LTBP4: variants seen among roughly 807,000 people sequenced by gnomAD.
LTBP4 encodes latent-transforming growth factor beta-binding protein 4.
Under a neutral mutation model 180.2 loss-of-function variants are expected in LTBP4, and 93 were observed. The ratio of observed to expected loss-of-function variants is 0.52; its 90% CI spans 0.44 to 0.61. The LOEUF (loss-of-function observed/expected upper bound fraction) is 0.61. Among genes scored for constraint, LTBP4 ranks in the 20% least tolerant of loss-of-function variants. The pLI is 0.00. For missense variants in LTBP4, 2,116 were observed against 2,256.5 expected, an observed-to-expected ratio of 0.94 and a Z score of 1.26; for synonymous variants, 947 against 934.5, an observed-to-expected ratio of 1.01 and a Z score of -0.24.
At chr19:40,625,051 CTG>C (rs1376499763) in intron 26 of LTBP4, among the ~76,000 whole-genome samples, 1 of 150,588 alleles carries the variant, frequency 6.6e-6, no homozygotes, top group Non-Finnish European at 1.5e-5. Flanking sequence ...TGCTGAAGCT[CTG>C]TCTCTTGAAC....
At chr19:40,614,958 C>T (rs1013652763) in intron 19 of LTBP4, among the ~76,000 whole-genome samples, 1 of 152,212 alleles carries the variant, frequency 6.6e-6, no homozygotes, top group African/African-American at 2.4e-5. Flanking sequence ...CGTTTAAGCT[C>T]TGCCCTTCCT....
chr19:40,608,289 C>G lies in LTBP4; in HGVS notation c.1226C>G (p.Thr409Ser). The G allele has an allele frequency of 6.2e-7, 1 of 1,613,916 alleles. No individual in the cohort carries two copies. Among genetic ancestry groups the G allele is most frequent in the Non-Finnish European group, 8.5e-7 (1 of 1,179,874 alleles). ...HYSASDLRYN[T>S]RPLGQEPPRV... ...TCGGCCTCCGACCTCCGCTACAACA[C>G]CAGACCCCTGGGCCAGGAGCCACCC... is the stretch of plus-strand genomic sequence containing the variant. Residue 409 changes from threonine to serine, a missense_variant, in exon 8 of 30, where the codon ACC (threonine) becomes AGC (serine). Physicochemically the swap from Thr to Ser is moderately conservative, Grantham distance 58 (BLOSUM62 1). Transcript: ENST00000396819.
intron 1 of LTBP4, among the ~76,000 whole-genome samples, chr19:40,594,113 G>A (rs2081379491): frequency 1.3e-5 from 2 of 152,026 alleles, no homozygotes; most frequent in Admixed American, 6.6e-5. Context: ...GGGGTGGGGG[G>A]GGAGAGAGAG....
intron 21 of LTBP4, among the ~76,000 whole-genome samples, chr19:40,618,225 G>A (rs2081563530): frequency 1.3e-5 from 2 of 150,714 alleles, no homozygotes; most frequent in East Asian, 1.9e-4. Flanking sequence ...ACGCAACCAC[G>A]CCCAGCTAAT....
At chr19:40,610,214 A>C in intron 11 of LTBP4, 1 of 476,010 alleles carries the variant, frequency 2.1e-6, no homozygotes, top group Non-Finnish European at 3.7e-6. Context: ...TGCGGCAACC[A>C]ATCTCCTGAC....
rs1444880989 is a variant in LTBP4 at position 40,611,385 on chromosome 19, C to T, written c.2044C>T (p.Pro682Ser). Residue 682 changes from proline (P) to serine (S), a missense_variant, in exon 13 of 30, where the codon CCC becomes TCC. By Grantham distance (74) the Pro-to-Ser change is moderately conservative (BLOSUM62 -1). Transcript: ENST00000396819. This position sits in a 1 kb window ranked among gnomAD's most constrained non-coding sequence, Gnocchi z 4.4. ...AGFRSRGPGA[P>S]CQDVDECARS... ...CTTCCGCTCCCGAGGGCCCGGGGCCCCCTGCCAAGGTGAGGGTGCTGAGCC... is the reference window on the plus strand; with the variant it reads ...CTTCCGCTCCCGAGGGCCCGGGGCCTCCTGCCAAGGTGAGGGTGCTGAGCC... 6.2e-7 allele frequency: 1 copy of T among 1,605,658 alleles called. No homozygotes were observed. The highest frequency in any genetic ancestry group is 8.5e-7 in the Non-Finnish European group (1 of 1,177,556).
In LTBP4 at chr19:40,629,424, T is replaced by C; in HGVS notation, c.4548T>C (p.Ala1516=). 1 of 1,612,762 alleles carries C rather than the reference T, an allele frequency of 6.2e-7. No homozygotes were observed. Among genetic ancestry groups the C allele is most frequent in the Non-Finnish European group, 8.5e-7 (1 of 1,179,486 alleles). ...TCAACGAGTGTGATGAGGCCGAGGCTGCCTCCCCGCTGTGCGTCAACGCGC... is the reference window on the plus strand; with the variant it reads ...TCAACGAGTGTGATGAGGCCGAGGCCGCCTCCCCGCTGTGCGTCAACGCGC... ...VDINECDEAE[A]ASPLCVNARC... is the part of the protein sequence containing the mutation. The change falls in exon 30 of 30, where the codon GCT becomes GCC. Residue 1516 remains alanine, a synonymous_variant. Coordinates refer to ENST00000396819, the MANE Select transcript of LTBP4 (RefSeq NM_001042545.2). This position sits in a 1 kb window ranked among gnomAD's most constrained non-coding sequence, Gnocchi z 4.5.
In LTBP4 at chr19:40,605,158, C is replaced by G. The variant is rs745971746; in HGVS notation, c.374C>G (p.Pro125Arg). 6.2e-7 allele frequency: 1 copy of G among 1,611,742 alleles called. No individual in the cohort carries two copies. The highest frequency in any genetic ancestry group is 8.5e-7 in the Non-Finnish European group (1 of 1,179,120). Residue 125 changes from proline (P) to arginine (R), a missense_variant, in exon 2 of 30, where the codon CCG becomes CGG. By Grantham distance (103) the Pro-to-Arg change is moderately radical. Transcript: ENST00000396819. This position sits in a 1 kb window ranked among gnomAD's most constrained non-coding sequence, Gnocchi z 5.5. ...LHSSGARPPA[P>R]AVPGLTRSVY... is the part of the protein sequence containing the mutation. Reference sequence around the variant, plus strand: ...TCCTCGGGCGCCCGGCCCCCGGCCCCGGCTGTACCAGGCCTCACCCGCTCC... The same window carrying G: ...TCCTCGGGCGCCCGGCCCCCGGCCCGGGCTGTACCAGGCCTCACCCGCTCC...
chr19:40,603,857 C>A (rs1482547187), intron 1 of LTBP4, among the ~76,000 whole-genome samples: 2 of 152,234 alleles, frequency 1.3e-5, no homozygotes, highest in African/African-American at 4.8e-5. Flanking sequence ...CCCCAAGGGT[C>A]CGGAATGTGG....
chr19:40,604,912 C>T, intron 1 of LTBP4, 123 bp from the exon 2 acceptor site: 4 of 823,992 alleles, frequency 4.9e-6, no homozygotes, highest in Non-Finnish European at 7.5e-6. Flanking sequence ...AGAATTGGGG[C>T]GGGGCCACAT....
intron 1 of LTBP4, among the ~76,000 whole-genome samples, chr19:40,602,390 A>G (rs2081430750): frequency 6.6e-6 from 1 of 151,920 alleles, no homozygotes; most frequent in African/African-American, 2.4e-5. Flanking sequence ...TTGTTCCAGG[A>G]TGCAAAAGTG....
chr19:40,605,522 G>A lies in LTBP4; in HGVS notation c.560G>A (p.Arg187Gln), dbSNP rs2081453295. The change falls in exon 3 of 30, where the codon CGG becomes CAG. Residue 187 changes from arginine (R) to glutamine (Q), a missense_variant. Arg to Gln is a conservative substitution (Grantham distance 43). Coordinates refer to ENST00000396819, the MANE Select transcript of LTBP4 (RefSeq NM_001042545.2). This position sits in a 1 kb window ranked among gnomAD's most constrained non-coding sequence, Gnocchi z 5.5. ...WEEADAEAVA[R>Q]AEAAARAEAA... ...GAGGCGGACGCTGAGGCGGTGGCGC[G>A]GGCGGAAGCGGCGGCGCGGGCGGAG... 6.2e-7 allele frequency: 1 copy of A among 1,608,522 alleles called. No homozygotes were observed. Among genetic ancestry groups the A allele is most frequent in the African/African-American group, 1.3e-5 (1 of 74,776 alleles).
intron 22 of LTBP4, 130 bp downstream of exon 22, chr19:40,619,623 T>C: frequency 3.0e-6 from 3 of 1,011,444 alleles, no homozygotes; most frequent in Non-Finnish European, 4.2e-6. Context: ...AAAAGACACA[T>C]AAGTTAACAT....
At chr19:40,625,255 TATATATATATATATATATA>T (rs2081616630) in intron 26 of LTBP4, among the ~76,000 whole-genome samples, 5 of 1,912 alleles carry the variant, frequency 2.6e-3, no homozygotes, top group Non-Finnish European at 4.9e-3. Flanking sequence ...TTTGTATTTA[TATATATATATATATATATA>T]TATATATATA....
chr19:40,621,945 C>G (rs550918664), intron 22 of LTBP4, among the ~76,000 whole-genome samples: 1 of 152,312 alleles, frequency 6.6e-6, no homozygotes, highest in East Asian at 1.9e-4. Flanking sequence ...GACCGGGTTT[C>G]ACCATGTTGG....
chr19:40,614,633 G>A (rs1272510221), intron 19 of LTBP4, among the ~76,000 whole-genome samples, 187 bp downstream of exon 19: 1 of 152,276 alleles, frequency 6.6e-6, no homozygotes, highest in Middle Eastern at 3.4e-3. Flanking sequence ...TCAGGATCAC[G>A]GCCAAGCCTC....
At chr19:40,620,578 C>A (rs377610192) in intron 22 of LTBP4, among the ~76,000 whole-genome samples, 1 of 151,754 alleles carries the variant, frequency 6.6e-6, no homozygotes, top group Non-Finnish European at 1.5e-5. Context: ...GAGTTCGAGA[C>A]CAGCATGGCC....
At chr19:40,602,496 T>TGGCCCCCAGCCAGCCCAGCCC (rs1415522206) in intron 1 of LTBP4, among the ~76,000 whole-genome samples, 1 of 152,066 alleles carries the variant, frequency 6.6e-6, no homozygotes, top group Non-Finnish European at 1.5e-5. Flanking sequence ...TCGCCCAGCC[T>TGGCCCCCAGCCAGCCCAGCCC]GGCCCCCAGC....
intron 28 of LTBP4, 126 bp downstream of exon 28, chr19:40,627,481 G>A: frequency 7.5e-7 from 1 of 1,331,784 alleles, no homozygotes; most frequent in Non-Finnish European, 1.0e-6. Context: ...GCCACAGAAA[G>A]GGACAGAGAA....
Sources: allele counts gnomAD v4.1 joint callset (sites outside exome capture counted in the v4.1 genomes callset), GRCh38; gene constraint gnomAD v4.1.1; non-coding constraint Gnocchi (gnomAD v3.1); transcripts MANE v1.5; gene names NCBI Gene and HGNC (gene_info 2026-07-23, HGNC 2026-07-21).